Variants in CAMKMT observed in about 807,000 individuals in gnomAD.
The protein encoded by CAMKMT is calmodulin-lysine N-methyltransferase.
CAMKMT carries 53 observed loss-of-function variants against 48.0 expected under a neutral mutation model. The ratio of observed to expected loss-of-function variants is 1.10; its 90% CI spans 0.89 to 1.39. The LOEUF is 1.39. Ranked by LOEUF, CAMKMT falls within the 40% of genes most tolerant of loss-of-function variation. The pLI is 0.00. For missense variants in CAMKMT, 428 were observed against 402.7 expected, an observed-to-expected ratio of 1.06 and a Z score of -0.54; for synonymous variants, 165 against 152.3, an observed-to-expected ratio of 1.08 and a Z score of -0.61.
chr2:44,501,203 T>C (rs1669989323), intron 3 of CAMKMT, among the ~76,000 whole-genome samples: 1 of 152,088 alleles, frequency 6.6e-6, no homozygotes, highest in Admixed American at 6.6e-5. Flanking sequence ...GCAGTGTTCT[T>C]TTTCTTTCTG....
chr2:44,428,087 C>G (rs1358390885), intron 3 of CAMKMT, among the ~76,000 whole-genome samples: 1 of 152,144 alleles, frequency 6.6e-6, no homozygotes, highest in Non-Finnish European at 1.5e-5. Context: ...AAGTGTTAAC[C>G]AGCTCAGTGG....
chr2:44,549,203 A>G (rs1184694351), intron 3 of CAMKMT, among the ~76,000 whole-genome samples: 1 of 152,158 alleles, frequency 6.6e-6, no homozygotes, highest in East Asian at 1.9e-4. Flanking sequence ...GATGATTGCA[A>G]TCTTCTGAAT....
At chr2:44,741,696 GTCC>G (rs1679684351) in intron 7 of CAMKMT, among the ~76,000 whole-genome samples, 1 of 152,146 alleles carries the variant, frequency 6.6e-6, no homozygotes, top group Non-Finnish European at 1.5e-5. Context: ...ATGTGTTATG[GTCC>G]ATGTGACCAA....
intron 3 of CAMKMT, among the ~76,000 whole-genome samples, chr2:44,592,515 A>G (rs908038848): frequency 1.3e-5 from 2 of 152,168 alleles, no homozygotes; most frequent in African/African-American, 4.8e-5. Flanking sequence ...CTTGGGTTCA[A>G]GTAACCCTTA....
chr2:44,675,088 A>G (rs1996344), intron 3 of CAMKMT, among the ~76,000 whole-genome samples: 42,766 of 148,288 alleles, frequency 0.29, 6,846 homozygotes, highest in Non-Finnish European at 0.38. Context: ...AGGGGGGGAA[A>G]AAAAAAAAGG....
At chr2:44,402,346 AAAG>A (rs1426816293) in intron 3 of CAMKMT, among the ~76,000 whole-genome samples, 2 of 151,770 alleles carry the variant, frequency 1.3e-5, no homozygotes, top group African/African-American at 2.4e-5. Flanking sequence ...AAAAAAAAAA[AAAG>A]ATAGAATTTA....
At chr2:44,367,174 C>G (rs962035401) in intron 1 of CAMKMT, among the ~76,000 whole-genome samples, 1 of 152,148 alleles carries the variant, frequency 6.6e-6, no homozygotes, top group African/African-American at 2.4e-5. Context: ...TGTAGGGTAA[C>G]TGGAATTGGC....
At position 44,692,339 on chromosome 2, in the gene CAMKMT, A is replaced by G. The variant is rs563493293; in HGVS notation, c.377-11944A>G. On this transcript the variant is annotated intron_variant, in intron 3 of 10. Coordinates refer to ENST00000378494, the MANE Select transcript of CAMKMT (RefSeq NM_024766.5). ...TCTCATTTAATCCCCACAGCACCCC[A>G]TGAGAAGGTACTTTTATTGCTTGTA... 3.1e-4 allele frequency among the ~76,000 whole-genome samples: 47 copies of G among 152,236 alleles called. No homozygotes were observed. In the South Asian group the frequency reaches 9.7e-3, roughly 32 times the overall value.
intron 3 of CAMKMT, among the ~76,000 whole-genome samples, chr2:44,574,030 G>A (rs143558486): frequency 0.01 from 1,540 of 152,256 alleles, 7 homozygotes; most frequent in Non-Finnish European, 0.016. Context: ...TCTTCCAGAT[G>A]AACGTTTGAA....
chr2:44,762,042 A>G (rs1680642490), intron 9 of CAMKMT, among the ~76,000 whole-genome samples: 1 of 152,234 alleles, frequency 6.6e-6, no homozygotes, highest in African/African-American at 2.4e-5. Context: ...ATTGCCAAGA[A>G]TTAGATGGAA....
chr2:44,733,789 C>A (rs759363650), intron 7 of CAMKMT, among the ~76,000 whole-genome samples: 6 of 152,056 alleles, frequency 3.9e-5, no homozygotes, highest in Non-Finnish European at 5.9e-5. Context: ...TTAAGATAAG[C>A]CCCACTTGAT....
chr2:44,416,268 G>C (rs1683543261), intron 3 of CAMKMT, among the ~76,000 whole-genome samples: 1 of 152,064 alleles, frequency 6.6e-6, no homozygotes, highest in South Asian at 2.1e-4. Flanking sequence ...GTATGATTTA[G>C]TTTACTCTTA....
chr2:44,658,509 G>T (rs150627657), intron 3 of CAMKMT, among the ~76,000 whole-genome samples: 2 of 152,154 alleles, frequency 1.3e-5, no homozygotes, highest in African/African-American at 4.8e-5. Context: ...AAAGCGTGAC[G>T]TCGCGTGAAG....
intron 3 of CAMKMT, among the ~76,000 whole-genome samples, chr2:44,436,226 C>T (rs544139994): frequency 4.5e-4 from 68 of 152,234 alleles, no homozygotes; most frequent in African/African-American, 1.5e-3. Context: ...CGGATGTGCG[C>T]CACCATGCCC....
At chr2:44,631,753 G>C (rs1672847942) in intron 3 of CAMKMT, 3 of 373,282 alleles carry the variant, frequency 8.0e-6, no homozygotes, top group African/African-American at 2.1e-5. Context: ...TTTGTTTTCT[G>C]TTTGTCTTTT....
chr2:44,420,489 A>T (rs975681865), intron 3 of CAMKMT, among the ~76,000 whole-genome samples: 6 of 152,094 alleles, frequency 3.9e-5, no homozygotes, highest in East Asian at 1.9e-4. Flanking sequence ...ATAAACCTAC[A>T]GTTGACTTTT....
intron 3 of CAMKMT, among the ~76,000 whole-genome samples, chr2:44,562,677 C>T (rs1282895865): frequency 6.6e-6 from 1 of 152,184 alleles, no homozygotes; most frequent in Non-Finnish European, 1.5e-5. Context: ...TCTTCTGCCT[C>T]AGCCTCCCGA....
At chr2:44,692,045 T>C (rs1054159037) in intron 3 of CAMKMT, among the ~76,000 whole-genome samples, 5 of 152,186 alleles carry the variant, frequency 3.3e-5, no homozygotes, top group African/African-American at 1.2e-4. Context: ...ATTGTCCATA[T>C]ACATGTAATG....
At chr2:44,740,326 C>T (rs1679606132) in intron 7 of CAMKMT, among the ~76,000 whole-genome samples, 1 of 151,802 alleles carries the variant, frequency 6.6e-6, no homozygotes, top group African/African-American at 2.4e-5. Context: ...GAGGGGGTAT[C>T]GCCATGTTGC....
Sources: allele counts gnomAD v4.1 joint callset (sites outside exome capture counted in the v4.1 genomes callset), GRCh38; gene constraint gnomAD v4.1.1; transcripts MANE v1.5; gene names NCBI Gene and HGNC (gene_info 2026-07-23, HGNC 2026-07-21).